ZNF420: variants seen among roughly 807,000 people sequenced by gnomAD.
ZNF420 encodes the protein ATM and p53-associated KZNF protein.
ZNF420 carries 31 observed loss-of-function variants against 44.7 expected under a neutral mutation model. The ratio of observed to expected loss-of-function variants is 0.69; its 90% confidence interval spans 0.52 to 0.94. The LOEUF is 0.94. Ranked by LOEUF, ZNF420 falls within the 40% of genes least tolerant of loss-of-function variation. The probability of loss-of-function intolerance (pLI) is 0.00; values close to 1 mark genes in which losing one functional copy is unlikely to be tolerated. For missense variants in ZNF420, 681 were observed against 827.9 expected (o/e 0.82, Z 2.18); for synonymous variants, 245 against 267.4 (o/e 0.92, Z 0.82).
At chr19:37,029,931 T>C (rs1267376003) in intron 1 of ZNF420, among the ~76,000 whole-genome samples, 1 of 152,154 alleles carries the variant, frequency 6.6e-6, no homozygotes, top group Non-Finnish European at 1.5e-5. Context: ...ATATCTATCA[T>C]CTCACAGGTA....
chr19:37,123,548 C>T (rs1335255906), intron 4 of ZNF420, among the ~76,000 whole-genome samples: 1 of 151,052 alleles, frequency 6.6e-6, no homozygotes, highest in Non-Finnish European at 1.5e-5. Context: ...CAGTTTCTGG[C>T]TCTCAGCTCT....
At chr19:37,100,996 T>G (rs920113002) in intron 4 of ZNF420, among the ~76,000 whole-genome samples, 1 of 33,076 alleles carries the variant, frequency 3.0e-5, no homozygotes, top group African/African-American at 3.0e-4. Context: ...ATTTATTCCT[T>G]TTTTTTTTTT....
At chr19:37,012,881 G>A (rs8104919) in intron 1 of ZNF420, among the ~76,000 whole-genome samples, 48,762 of 150,762 alleles carry the variant, frequency 0.32, 8,187 homozygotes, top group Non-Finnish European at 0.35. Context: ...CTGTGCGCCC[G>A]TTTGCGTGTG....
At chr19:37,056,929 C>T (rs1318685973) in intron 1 of ZNF420, among the ~76,000 whole-genome samples, 1 of 152,262 alleles carries the variant, frequency 6.6e-6, no homozygotes, top group Non-Finnish European at 1.5e-5. Flanking sequence ...CCTGCCTCTG[C>T]GCTGCCGCCA....
chr19:37,035,042 A>G (rs967213661), intron 1 of ZNF420, among the ~76,000 whole-genome samples: 4 of 152,180 alleles, frequency 2.6e-5, no homozygotes, highest in African/African-American at 9.7e-5. Context: ...TTAATGGGAG[A>G]CCATTAGGCT....
rs183163926 is a variant in ZNF420, at chr19:37,071,536, C to T, written c.-124-8809C>T. Among the ~76,000 whole-genome samples the T allele has an allele frequency of 3.0e-3, 462 of 152,280 alleles. 3 individuals carry two copies. Among genetic ancestry groups the T allele is most frequent in the African/African-American group, 0.011 (439 of 41,574 alleles). On this transcript the variant is annotated intron_variant, in intron 1 of 4. Transcript: ENST00000587029. ...TTTCTTTTGGCTGGGCGTGGTGGCT[C>T]ACGCCTGTAATCTCAACACTTTGGG...
At chr19:37,090,235 T>A (rs1969053105) in intron 3 of ZNF420, among the ~76,000 whole-genome samples, 1 of 152,226 alleles carries the variant, frequency 6.6e-6, no homozygotes, top group Non-Finnish European at 1.5e-5. Context: ...CCAGGTGCAG[T>A]GGCTCACACC....
chr19:37,102,092 A>T (rs768224255), intron 4 of ZNF420, among the ~76,000 whole-genome samples: 3 of 151,634 alleles, frequency 2.0e-5, no homozygotes, highest in Non-Finnish European at 2.9e-5. Flanking sequence ...CTGCAGTGGG[A>T]GGTGCTGGAG....
In ZNF420 at chr19:37,087,290, AAAATAAAT is replaced by A. The variant is rs367703367; in HGVS notation, c.-80-1709_-80-1702del. Among the ~76,000 whole-genome samples, 478 of 83,182 alleles carry A rather than the reference AAAATAAAT, an allele frequency of 5.7e-3. 2 individuals carry two copies. Among genetic ancestry groups the A allele is most frequent in the African/African-American group, 0.018 (318 of 17,462 alleles). 54.6% of individuals were successfully genotyped at this position (83,182 alleles called of 152,430 possible). ...AGAGTGAGACCCTGTCTCAAAAAAA[AAAATAAAT>A]AAATAAATAAATAAATAAATAAATA... On this transcript the variant is annotated intron_variant, in intron 2 of 4. Transcript: ENST00000337995.
chr19:37,110,052 T>C (rs1038218508), intron 4 of ZNF420, among the ~76,000 whole-genome samples: 1 of 152,182 alleles, frequency 6.6e-6, no homozygotes, highest in African/African-American at 2.4e-5. Context: ...TTGGAAAGCT[T>C]TACTACAGTA....
chr19:37,128,982 T>C lies in ZNF420; in HGVS notation c.1991T>C (p.Ile664Thr), dbSNP rs753004580. 1 of 1,614,104 alleles carries C rather than the reference T, an allele frequency of 6.2e-7. No homozygotes were observed. The highest frequency in any genetic ancestry group is 2.2e-5 in the East Asian group (1 of 44,884). ...RGSQLTQHQR[I>T]HISEKSFEYK... ...TCACAGCTAACTCAACATCAGAGAA[T>C]TCATATCAGTGAGAAATCTTTTGAA... Residue 664 changes from isoleucine to threonine, a missense_variant, in exon 5 of 5, where the codon ATT becomes ACT. Ile to Thr is a moderately conservative substitution (Grantham distance 89). Coordinates refer to ENST00000337995, the MANE Select transcript of ZNF420 (RefSeq NM_144689.5).
At chr19:37,036,803 A>C (rs1382529166) in intron 1 of ZNF420, among the ~76,000 whole-genome samples, 1 of 152,202 alleles carries the variant, frequency 6.6e-6, no homozygotes, top group African/African-American at 2.4e-5. Flanking sequence ...ATTCCAGCCC[A>C]CATTTGCATT....
chr19:37,083,565 C>G (rs1174217249), intron 2 of ZNF420, among the ~76,000 whole-genome samples: 1 of 152,156 alleles, frequency 6.6e-6, no homozygotes, highest in Non-Finnish European at 1.5e-5. Context: ...GTGACAATAA[C>G]TGTTCTTATT....
intron 4 of ZNF420, among the ~76,000 whole-genome samples, chr19:37,104,660 T>G (rs1969974952): frequency 6.6e-6 from 1 of 152,228 alleles, no homozygotes; most frequent in Non-Finnish European, 1.5e-5. Context: ...GTTTCCTGAC[T>G]TTTTAATGAT....
intron 4 of ZNF420, among the ~76,000 whole-genome samples, chr19:37,102,620 T>C (rs1969841099): frequency 6.6e-6 from 1 of 152,230 alleles, no homozygotes; most frequent in South Asian, 2.1e-4. Flanking sequence ...CGTGCCAGTC[T>C]GCACTCTCAA....
intron 4 of ZNF420, among the ~76,000 whole-genome samples, chr19:37,116,641 G>C (rs1334498577): frequency 6.6e-6 from 1 of 152,152 alleles, no homozygotes; most frequent in Non-Finnish European, 1.5e-5. Context: ...TGTGCGAGCC[G>C]AAGCAGGGCG....
chr19:37,128,613 C>T lies in ZNF420; in HGVS notation c.1622C>T (p.Ala541Val), dbSNP rs149309776. Residue 541 changes from alanine to valine, a missense_variant, in exon 5 of 5, where the codon GCG (alanine) becomes GTG (valine). Ala to Val is a moderately conservative substitution (Grantham distance 64, BLOSUM62 0). Coordinates refer to ENST00000337995, the MANE Select transcript of ZNF420 (RefSeq NM_144689.5). ...YVCNECGKAF[A>V]RGLLLIQHQR... is the part of the protein sequence containing the mutation. Reference sequence around the variant, plus strand: ...TGTAATGAATGTGGAAAGGCCTTTGCGCGTGGCTTACTACTTATACAACAT... The same window carrying T: ...TGTAATGAATGTGGAAAGGCCTTTGTGCGTGGCTTACTACTTATACAACAT... 248 of 1,613,312 alleles carry T rather than the reference C, an allele frequency of 1.5e-4. 1 individual carries two copies. The highest frequency in any genetic ancestry group is 3.1e-4 in the South Asian group (28 of 91,026).
chr19:37,080,127 T>G (rs1159643866), intron 1 of ZNF420, among the ~76,000 whole-genome samples: 1 of 152,198 alleles, frequency 6.6e-6, no homozygotes, highest in Non-Finnish European at 1.5e-5. Context: ...CTGTCTCCAG[T>G]GTACAGCTTT....
chr19:37,125,861 T>C (rs1166129041), intron 4 of ZNF420, among the ~76,000 whole-genome samples: 1 of 152,246 alleles, frequency 6.6e-6, no homozygotes, highest in East Asian at 1.9e-4. Flanking sequence ...GGTCTACTGT[T>C]TCTCCTTTAT....
Sources: gnomAD v4.1 joint callset for allele counts (sites outside exome capture counted in the v4.1 genomes callset) on GRCh38, gnomAD v4.1.1 for gene constraint, MANE v1.5 for transcripts, NCBI Gene and HGNC (gene_info 2026-07-23, HGNC 2026-07-21) for gene names.